CNOT7: variants seen among roughly 807,000 people sequenced by gnomAD.
CNOT7 encodes CCR4-NOT transcription complex subunit 7.
Under a neutral mutation model 37.1 loss-of-function variants are expected in CNOT7, and 4 were observed. The ratio of observed to expected loss-of-function variants is 0.11; its 90% CI spans 0.05 to 0.25. CNOT7 has a LOEUF of 0.25. Among genes scored for constraint, CNOT7 ranks in the 10% least tolerant of loss-of-function variants. The pLI, the probability that CNOT7 is intolerant of heterozygous loss-of-function variation, is 1.00. For missense variants in CNOT7, 170 were observed against 336.2 expected (o/e 0.51, Z 3.87); for synonymous variants, 128 against 115.6 (o/e 1.11, Z -0.69).
At chr8:17,234,281 G>A (rs951976323) in intron 5 of CNOT7, among the ~76,000 whole-genome samples, 1 of 152,096 alleles carries the variant, frequency 6.6e-6, no homozygotes, top group Non-Finnish European at 1.5e-5. Flanking sequence ...AAGCCAAAAG[G>A]AAAGAAAAAC....
intron 4 of CNOT7, 147 bp from the exon 5 acceptor site, chr8:17,235,007 AC>A (rs1174382729): frequency 1.6e-6 from 1 of 640,636 alleles, no homozygotes; most frequent in Non-Finnish European, 2.6e-6. Flanking sequence ...AACAGAGAAA[AC>A]AAACATATTG....
chr8:17,233,921 T>C (rs1449866891), intron 5 of CNOT7, among the ~76,000 whole-genome samples: 1 of 152,108 alleles, frequency 6.6e-6, no homozygotes, highest in Non-Finnish European at 1.5e-5. Flanking sequence ...GGTGTGGTGA[T>C]GGACACCTGT....
chr8:17,243,407 C>T (rs946333488), intron 2 of CNOT7: 10 of 640,246 alleles, frequency 1.6e-5, no homozygotes, highest in Non-Finnish European at 2.8e-5. Context: ...AGTTACTATA[C>T]GAGATACATG....
chr8:17,232,171 C>T (rs1167170206), intron 6 of CNOT7: 1 of 1,204,384 alleles, frequency 8.3e-7, no homozygotes, highest in Non-Finnish European at 1.1e-6. Context: ...TATGGTTGGA[C>T]CTACATGACT....
intron 4 of CNOT7, among the ~76,000 whole-genome samples, chr8:17,236,059 C>T (rs1809315220): frequency 1.3e-5 from 2 of 152,102 alleles, no homozygotes; most frequent in Admixed American, 6.5e-5. Flanking sequence ...GTATTTGTAT[C>T]AAGAGTCTTA....
Position 17,245,135 on chromosome 8 carries a change from T to G in CNOT7, c.18A>C (p.Val6=). 6.2e-7 allele frequency: 1 copy of G among 1,613,258 alleles called. No individual in the cohort carries two copies. Among genetic ancestry groups the G allele is most frequent in the Non-Finnish European group, 8.5e-7 (1 of 1,179,584 alleles). MPAAT[V]DHSQRICEVW... ...CTTCACAAATTCTTTGGCTATGATC[T>G]ACAGTTGCCGCTGGCATAGTGAGGG... Residue 6 remains valine (V), a synonymous_variant, in exon 2 of 7, where the codon GTA becomes GTC. Coordinates refer to ENST00000361272, the MANE Select transcript of CNOT7 (RefSeq NM_013354.7).
At position 17,225,686 on chromosome 8, in the gene CNOT7, A is replaced by G. The variant is rs1808106305; in HGVS notation, c.*5034T>C. On this transcript the variant is annotated 3_prime_UTR_variant, in exon 7 of 7. Transcript: ENST00000361272. ...AAAATTCTGCAGGATTTGGATGTGT[A>G]CAGTCCTACGTTTCTATAATGTCTT... is the stretch of plus-strand genomic sequence containing the variant. The G allele has an allele frequency of 6.6e-6, 1 of 151,868 alleles. No homozygotes were observed. The highest frequency in any genetic ancestry group is 6.6e-5 in the Admixed American group (1 of 15,240). 9.4% of individuals were successfully genotyped at this position (151,868 alleles called of 1,614,324 possible).
intron 5 of CNOT7, among the ~76,000 whole-genome samples, chr8:17,233,284 C>G (rs574224095): frequency 6.6e-6 from 1 of 152,316 alleles, no homozygotes; most frequent in African/African-American, 2.4e-5. Context: ...GTTAAGGCCT[C>G]CACCGGCAAA....
chr8:17,234,821 G>A lies in CNOT7; in HGVS notation c.513C>T (p.Asn171=). The A allele has an allele frequency of 6.2e-7, 1 of 1,613,972 alleles. No homozygotes were observed. The highest frequency in any genetic ancestry group is 8.5e-7 in the Non-Finnish European group (1 of 1,179,932). ...DFGYLIKILT[N]SNLPEEELDF... is the part of the protein sequence containing the mutation. ...CAAGTTCTTCTTCAGGCAAGTTAGA[G>A]TTGGTTAGGATTTTGATTAAGTAGC... The change falls in exon 5 of 7, where the codon AAC becomes AAT. Residue 171 remains asparagine, a synonymous_variant. Coordinates refer to ENST00000361272, the MANE Select transcript of CNOT7 (RefSeq NM_013354.7).
At chr8:17,231,525 A>C (rs1464861784) in intron 6 of CNOT7, 1 of 985,014 alleles carries the variant, frequency 1.0e-6, no homozygotes, top group Non-Finnish European at 1.2e-6. Context: ...TTAGCAAAAC[A>C]GCTTTAATGC....
chr8:17,235,012 CATATT>C, intron 4 of CNOT7, 152 bp from the exon 5 acceptor site: 1 of 633,270 alleles, frequency 1.6e-6, no homozygotes, highest in Non-Finnish European at 2.7e-6. Flanking sequence ...AGAAAACAAA[CATATT>C]GAGAACTATG....
chr8:17,232,251 A>G lies in CNOT7; in HGVS notation c.729+176T>C, dbSNP rs1170929557. 12 of 1,448,734 alleles carry G rather than the reference A, an allele frequency of 8.3e-6. No homozygotes were observed. The African/African-American group carries it at 1.2e-4, about 14-fold the overall frequency. The allele number at this position is 1,448,734 out of a possible 1,614,324, so 89.7% of individuals were successfully genotyped here. On this transcript the variant is annotated intron_variant, in intron 6 of 6. Transcript: ENST00000361272. ...ATGTTCTCCCAGTTCCTTCTGAACT[A>G]CATTTCAAGATGACTTATTTTTGAA...
At chr8:17,233,008 G>A (rs1455070822) in intron 5 of CNOT7, among the ~76,000 whole-genome samples, 1 of 152,090 alleles carries the variant, frequency 6.6e-6, no homozygotes, top group Non-Finnish European at 1.5e-5. Flanking sequence ...TTAAGAGTAT[G>A]CTAAATGCTT....
intron 6 of CNOT7, chr8:17,231,742 G>C (rs903839560): frequency 2.0e-6 from 2 of 985,300 alleles, no homozygotes; most frequent in Non-Finnish European, 1.2e-6. Flanking sequence ...TTACTTAGGA[G>C]TAGATAATGG....
In CNOT7 at chr8:17,226,990, G is replaced by C. The variant is rs1040253402; in HGVS notation, c.*3730C>G. 6.8e-6 allele frequency: 1 copy of C among 146,422 alleles called. No homozygotes were observed. The highest frequency in any genetic ancestry group is 7.0e-5 in the Admixed American group (1 of 14,384). The allele number at this position is 146,422 out of a possible 1,614,324, so 9.1% of individuals were successfully genotyped here. A position where few individuals can be genotyped will look rare whatever the true frequency, so the allele number is the denominator to read the frequency against. On this transcript the variant is annotated 3_prime_UTR_variant, in exon 7 of 7. Coordinates refer to ENST00000361272, the MANE Select transcript of CNOT7 (RefSeq NM_013354.7). ...AACGCCTGTGTGGCAAATCAAATCA[G>C]GATATTCAGCTTCTGTTTCTCACAA...
intron 6 of CNOT7, 64 bp downstream of exon 6, chr8:17,232,363 C>T: frequency 6.2e-7 from 1 of 1,610,304 alleles, no homozygotes; most frequent in Non-Finnish European, 8.5e-7. Context: ...AATCTTTGGC[C>T]ACAAGATTTT....
At chr8:17,239,308 C>G (rs75719978) in intron 3 of CNOT7, among the ~76,000 whole-genome samples, 4 of 152,136 alleles carry the variant, frequency 2.6e-5, no homozygotes, top group Admixed American at 2.0e-4. Context: ...TGGCTTCCAA[C>G]TGGCCTCCCG....
At chr8:17,240,034 C>T (rs1429771260) in intron 3 of CNOT7, among the ~76,000 whole-genome samples, 1 of 152,200 alleles carries the variant, frequency 6.6e-6, no homozygotes, top group Admixed American at 6.5e-5. Flanking sequence ...GACCAACTTT[C>T]CTCAGTACTA....
chr8:17,237,240 C>T lies in CNOT7; in HGVS notation c.445G>A (p.Glu149Lys), dbSNP rs779598549. ...LLMTSGVVLC[E>K]GVKWLSFHSG... Reference sequence around the variant, plus strand: ...TGAAATGACAACCATTTGACCCCTTCACAGAGGACCACTCCAGAAGTCATA... The same window carrying T: ...TGAAATGACAACCATTTGACCCCTTTACAGAGGACCACTCCAGAAGTCATA... The change falls in exon 4 of 7, where the codon GAA becomes AAA. Residue 149 changes from glutamate to lysine, a missense_variant. By Grantham distance (56) the Glu-to-Lys change is moderately conservative. Coordinates refer to ENST00000361272, the MANE Select transcript of CNOT7 (RefSeq NM_013354.7). 2.5e-6 allele frequency: 4 copies of T among 1,614,110 alleles called. No homozygotes were observed. Among genetic ancestry groups the T allele is most frequent in the Admixed American group, 3.3e-5 (2 of 60,026 alleles).
Sources: gnomAD v4.1 joint callset for allele counts (sites outside exome capture counted in the v4.1 genomes callset) on GRCh38, gnomAD v4.1.1 for gene constraint, MANE v1.5 for transcripts, NCBI Gene and HGNC (gene_info 2026-07-23, HGNC 2026-07-21) for gene names.